The following ZHX2 variants were observed in gnomAD, a reference collection of about 807,000 sequenced individuals.
ZHX2 encodes zinc fingers and homeoboxes protein 2.
Under a neutral mutation model 21.9 loss-of-function variants are expected in ZHX2, and 6 were observed. The observed-to-expected ratio is 0.27, with a 90% CI of 0.15 to 0.54. The LOEUF is 0.54. Among genes scored for constraint, ZHX2 ranks in the 20% least tolerant of loss-of-function variants. ZHX2 has a pLI of 0.95. For missense variants in ZHX2, 908 were observed against 1,090.7 expected, an observed-to-expected ratio of 0.83 and a Z score of 2.36; for synonymous variants, 434 against 437.1, an observed-to-expected ratio of 0.99 and a Z score of 0.09.
At chr8:122,838,362 C>CT (rs899654807) in intron 1 of ZHX2, among the ~76,000 whole-genome samples, 1 of 152,130 alleles carries the variant, frequency 6.6e-6, no homozygotes, top group Non-Finnish European at 1.5e-5. Context: ...ATGTTCTACT[C>CT]TGAGATTTGG....
intron 1 of ZHX2, among the ~76,000 whole-genome samples, chr8:122,839,068 T>C (rs1403221718): frequency 6.6e-6 from 1 of 152,116 alleles, no homozygotes; most frequent in Non-Finnish European, 1.5e-5. Flanking sequence ...TTCCAAAGGG[T>C]TTTTCGTGTA....
At chr8:122,842,262 A>C (rs1162919738) in intron 1 of ZHX2, among the ~76,000 whole-genome samples, 1 of 152,232 alleles carries the variant, frequency 6.6e-6, no homozygotes, top group Non-Finnish European at 1.5e-5. Context: ...ATTGGTCTTC[A>C]GCACCTTCTT....
At chr8:122,874,775 A>C (rs1305766732) in intron 2 of ZHX2, among the ~76,000 whole-genome samples, 1 of 152,096 alleles carries the variant, frequency 6.6e-6, no homozygotes, top group Non-Finnish European at 1.5e-5. Context: ...CCAGACCATA[A>C]AGTCTGAGCT....
chr8:122,959,111 A>G (rs1454936135), intron 3 of ZHX2, among the ~76,000 whole-genome samples: 1 of 152,216 alleles, frequency 6.6e-6, no homozygotes, highest in Non-Finnish European at 1.5e-5. Flanking sequence ...AACCTGCCAG[A>G]GTTCACTCAG....
intron 3 of ZHX2, among the ~76,000 whole-genome samples, chr8:122,965,240 A>T (rs891270682): frequency 2.4e-4 from 37 of 151,714 alleles, no homozygotes; most frequent in African/African-American, 8.7e-4. Context: ...GTGTGAGTTT[A>T]GGCTGTTTAT....
Position 122,819,600 on chromosome 8 carries a change from T to G in ZHX2, c.-283+37654T>G, listed in dbSNP as rs543349921. ...GTTCCTAAGGAGGTTTTCCAGGCAC[T>G]ATCCAAGAAACCAAAGTAGAATTGC... On this transcript the variant is annotated intron_variant, in intron 1 of 3. Transcript: ENST00000314393. 9.2e-5 allele frequency among the ~76,000 whole-genome samples: 14 copies of G among 152,336 alleles called. No individual in the cohort carries two copies. In the East Asian group the frequency reaches 1.7e-3, roughly 19 times the overall value.
intron 2 of ZHX2, among the ~76,000 whole-genome samples, chr8:122,924,011 CAGTT>C (rs1167195719): frequency 6.6e-6 from 1 of 152,172 alleles, no homozygotes; most frequent in Non-Finnish European, 1.5e-5. Context: ...TTGGCAGAAT[CAGTT>C]AGGTGGGCCT....
chr8:122,912,065 G>T (rs1300348058), intron 2 of ZHX2, among the ~76,000 whole-genome samples: 1 of 152,204 alleles, frequency 6.6e-6, no homozygotes, highest in East Asian at 1.9e-4. Flanking sequence ...GTTTCTGGTG[G>T]CCTGAAAGAC....
chr8:122,813,949 G>A (rs141748393), intron 1 of ZHX2, among the ~76,000 whole-genome samples: 2,285 of 152,284 alleles, frequency 0.015, 34 homozygotes, highest in South Asian at 0.061. Context: ...AGGATTCTGG[G>A]TGGTAGACAT....
chr8:122,956,761 A>T (rs914372075), intron 3 of ZHX2, among the ~76,000 whole-genome samples: 3 of 152,188 alleles, frequency 2.0e-5, no homozygotes, highest in African/African-American at 7.2e-5. Flanking sequence ...GAATAGAAAG[A>T]TGCTTAGTGT....
chr8:122,879,344 T>C (rs1044366898), intron 2 of ZHX2, among the ~76,000 whole-genome samples: 1 of 152,034 alleles, frequency 6.6e-6, no homozygotes, highest in Non-Finnish European at 1.5e-5. Flanking sequence ...GTAGCTAGGA[T>C]AACAGACACA....
chr8:122,885,040 G>A (rs535646462), intron 2 of ZHX2, among the ~76,000 whole-genome samples: 2 of 152,320 alleles, frequency 1.3e-5, no homozygotes, highest in African/African-American at 2.4e-5. Flanking sequence ...AGAAGGCCAG[G>A]CAAGAGGTGA....
Position 122,782,752 on chromosome 8 carries a change from C to G in ZHX2, c.-283+806C>G, listed in dbSNP as rs1419949942. 6.6e-6 allele frequency among the ~76,000 whole-genome samples: 1 copy of G among 152,070 alleles called. No homozygotes were observed. The highest frequency in any genetic ancestry group is 1.5e-5 in the Non-Finnish European group (1 of 67,988). On this transcript the variant is annotated intron_variant, in intron 1 of 3. Transcript: ENST00000314393. The surrounding 1 kb of genome is among the most constrained non-coding windows in gnomAD (Gnocchi z 5.3). ...CGGGGCGGGGGGCCGAGGGCGGCCG[C>G]GGGACCCCCGGCCCTGCTGTCCGCT...
chr8:122,887,802 C>T (rs1456849187), intron 2 of ZHX2, among the ~76,000 whole-genome samples: 2 of 152,132 alleles, frequency 1.3e-5, no homozygotes, highest in South Asian at 4.1e-4. Context: ...TGGTCCCTGT[C>T]TTGCTTCTCC....
chr8:122,900,179 T>G (rs1201152185), intron 2 of ZHX2, among the ~76,000 whole-genome samples: 1 of 152,166 alleles, frequency 6.6e-6, no homozygotes, highest in Non-Finnish European at 1.5e-5. Context: ...GGTTAGGTAA[T>G]TTATAAAGAA....
At chr8:122,798,382 A>C (rs1307271044) in intron 1 of ZHX2, among the ~76,000 whole-genome samples, 1 of 152,166 alleles carries the variant, frequency 6.6e-6, no homozygotes, top group African/African-American at 2.4e-5. Flanking sequence ...CCTGATTTTT[A>C]AAAATATCAT....
At chr8:122,825,511 G>A (rs1344411357) in intron 1 of ZHX2, among the ~76,000 whole-genome samples, 9 of 152,076 alleles carry the variant, frequency 5.9e-5, no homozygotes, top group South Asian at 2.1e-4. Context: ...CCTAGTTTTC[G>A]AGCTCTGCCA....
At chr8:122,910,755 G>T (rs1820459911) in intron 2 of ZHX2, among the ~76,000 whole-genome samples, 1 of 149,502 alleles carries the variant, frequency 6.7e-6, no homozygotes, top group Non-Finnish European at 1.5e-5. Context: ...GGGGTGGGGG[G>T]TGAGGAATAC....
chr8:122,955,072 G>GGTC (rs763636365), intron 3 of ZHX2, among the ~76,000 whole-genome samples: 31 of 121,524 alleles, frequency 2.6e-4, no homozygotes, highest in African/African-American at 1.0e-3. Context: ...CATAAGCCGG[G>GGTC]GGGGGGGGGG....
Sources: allele counts gnomAD v4.1 joint callset (sites outside exome capture counted in the v4.1 genomes callset), GRCh38; gene constraint gnomAD v4.1.1; non-coding constraint Gnocchi (gnomAD v3.1); transcripts MANE v1.5; gene names NCBI Gene and HGNC (gene_info 2026-07-23, HGNC 2026-07-21).